The following CDH6 variants were observed in gnomAD, a reference collection of about 807,000 sequenced individuals.
The protein encoded by CDH6 is cadherin-6.
CDH6 carries 31 observed loss-of-function variants against 78.0 expected under a neutral mutation model. The observed-to-expected ratio is 0.40, with a 90% CI of 0.30 to 0.54. The LOEUF (loss-of-function observed/expected upper bound fraction) is 0.54. CDH6 is among the 20% of genes least tolerant of loss of function. The pLI, the probability that CDH6 is intolerant of heterozygous loss-of-function variation, is 0.56. For synonymous variants in CDH6, 376 were observed against 368.8 expected (o/e 1.02, Z -0.23); for missense variants, 724 against 975.9 (o/e 0.74, Z 3.44).
At chr5:31,196,451 C>G (rs889474368) in intron 1 of CDH6, among the ~76,000 whole-genome samples, 10 of 152,160 alleles carry the variant, frequency 6.6e-5, no homozygotes, top group African/African-American at 1.4e-4. Context: ...TGTGGTCCCC[C>G]CTTCTGGCCC....
At chr5:31,214,698 A>G (rs539515142) in intron 1 of CDH6, among the ~76,000 whole-genome samples, 6 of 152,318 alleles carry the variant, frequency 3.9e-5, no homozygotes, top group Non-Finnish European at 8.8e-5. Flanking sequence ...AATTAATGAA[A>G]AAATGTGAGC....
chr5:31,242,662 C>T (rs1741636280), intron 1 of CDH6, among the ~76,000 whole-genome samples: 1 of 149,994 alleles, frequency 6.7e-6, no homozygotes, highest in Admixed American at 6.6e-5. Context: ...AACTAAACTG[C>T]AGTCAAGCTG....
chr5:31,299,380 C>T, intron 4 of CDH6, 84 bp from the exon 5 acceptor site: 1 of 1,069,194 alleles, frequency 9.4e-7, no homozygotes, highest in Non-Finnish European at 1.4e-6. Flanking sequence ...TTGTGGGTGA[C>T]AGTTTATGTT....
chr5:31,305,934 A>G (rs1737980253), intron 7 of CDH6, among the ~76,000 whole-genome samples: 1 of 152,182 alleles, frequency 6.6e-6, no homozygotes, highest in Non-Finnish European at 1.5e-5. Context: ...GACTGAATAA[A>G]CCTTAAAAAA....
At chr5:31,272,908 A>G (rs1561052633) in intron 2 of CDH6, among the ~76,000 whole-genome samples, 1 of 152,146 alleles carries the variant, frequency 6.6e-6, no homozygotes, top group African/African-American at 2.4e-5. Context: ...GATAGGCTGT[A>G]TTTTTTTAAA....
intron 1 of CDH6, among the ~76,000 whole-genome samples, chr5:31,243,272 C>G (rs1275591582): frequency 6.6e-6 from 1 of 151,970 alleles, no homozygotes; most frequent in Non-Finnish European, 1.5e-5. Flanking sequence ...AAGGTGGGGA[C>G]ATGAGGAGAA....
chr5:31,196,481 C>T (rs34854801), intron 1 of CDH6, among the ~76,000 whole-genome samples: 2,457 of 152,214 alleles, frequency 0.016, 41 homozygotes, highest in South Asian at 0.059. Context: ...TTTGCAGTCA[C>T]GAATGCCAAC....
At position 31,302,284 on chromosome 5, in the gene CDH6, A is replaced by G. The variant is rs368076161; in HGVS notation, c.985A>G (p.Ile329Val). ...CGACCAGGAAACCCAGGAAGGGATT[A>G]TAACTGTCAAAAAGGTAATGCCGCT... ...ITDQETQEGIITVKKLLDFEK... is the reference protein window; with the variant it reads ...ITDQETQEGIVTVKKLLDFEK... Residue 329 changes from isoleucine to valine, a missense_variant, in exon 6 of 12, where the codon ATA becomes GTA. Ile to Val is a conservative substitution (Grantham distance 29). This residue lies in a region of CDH6 where 446 missense variants were observed against 684.5 expected (regional missense o/e 0.65). Transcript: ENST00000265071. 14 of 1,611,542 alleles carry G rather than the reference A, an allele frequency of 8.7e-6. No individual in the cohort carries two copies. In the East Asian group the frequency reaches 8.9e-5, roughly 10 times the overall value.
At chr5:31,268,488 A>G (rs1280019432) in intron 2 of CDH6, among the ~76,000 whole-genome samples, 1 of 152,224 alleles carries the variant, frequency 6.6e-6, no homozygotes, top group African/African-American at 2.4e-5. Context: ...TTGGAATTTT[A>G]TCATCAGCTC....
rs1402472930 is a variant in CDH6 at position 31,287,986 on chromosome 5, A to T, written c.229-5976A>T. On this transcript the variant is annotated intron_variant, in intron 2 of 11. Coordinates refer to ENST00000265071, the MANE Select transcript of CDH6 (RefSeq NM_004932.4). ...CTGGTCGGATATGAGGTTATTCTAG[A>T]ACCTGGGTTCCTTCCACTTTGTGGC... Among the ~76,000 whole-genome samples the T allele has an allele frequency of 2.6e-5, 4 of 152,192 alleles. No individual in the cohort carries two copies. In the East Asian group the frequency reaches 7.7e-4, roughly 29 times the overall value.
intron 9 of CDH6, among the ~76,000 whole-genome samples, chr5:31,316,666 GC>G: frequency 6.6e-6 from 1 of 152,072 alleles, no homozygotes; most frequent in South Asian, 2.1e-4. Context: ...CTTTATAATT[GC>G]CTATAATTCA....
At chr5:31,230,676 GATTTAGAAACCA>G in intron 1 of CDH6, among the ~76,000 whole-genome samples, 1 of 152,092 alleles carries the variant, frequency 6.6e-6, no homozygotes, top group African/African-American at 2.4e-5. Flanking sequence ...ACTAACCTAT[GATTTAGAAACCA>G]TCTGCAGAAT....
At position 31,292,852 on chromosome 5, in the gene CDH6, C is replaced by CATATAT. The variant is rs140377309; in HGVS notation, c.229-1093_229-1088dup. ...ATATATATATATATATATATGTGTG[C>CATATAT]ATATATATATATATATATATATGTA... On this transcript the variant is annotated intron_variant, in intron 2 of 11. Coordinates refer to ENST00000265071, the MANE Select transcript of CDH6 (RefSeq NM_004932.4). 6.3e-3 allele frequency among the ~76,000 whole-genome samples: 55 copies of CATATAT among 8,774 alleles called. No individual in the cohort carries two copies. The East Asian group carries it at 0.071, about 11-fold the overall frequency. The allele number at this position is 8,774 out of a possible 152,430, so 5.8% of individuals were successfully genotyped here. A position where few individuals can be genotyped will look rare whatever the true frequency, so the allele number is the denominator to read the frequency against.
intron 2 of CDH6, 129 bp downstream of exon 2, chr5:31,267,830 T>G: frequency 2.9e-6 from 2 of 679,236 alleles, no homozygotes; most frequent in Non-Finnish European, 4.9e-6. Flanking sequence ...GGTAAGACTT[T>G]TTTTTTTTCC....
In CDH6 at chr5:31,314,748, T is replaced by C. The variant is rs148392012; in HGVS notation, c.1390+1294T>C. Among the ~76,000 whole-genome samples the C allele has an allele frequency of 2.9e-3, 445 of 152,252 alleles. 3 individuals are homozygous for C. Among genetic ancestry groups the C allele is most frequent in the African/African-American group, 0.01 (426 of 41,530 alleles). On this transcript the variant is annotated intron_variant, in intron 8 of 11. Coordinates refer to ENST00000265071, the MANE Select transcript of CDH6 (RefSeq NM_004932.4). ...TTTATTTCCCACTGAAAATGACCAT[T>C]TTTCCTAAGACAATGAAATTTTATT...
chr5:31,198,366 G>T (rs1460507637), intron 1 of CDH6, among the ~76,000 whole-genome samples: 1 of 152,140 alleles, frequency 6.6e-6, no homozygotes, highest in Non-Finnish European at 1.5e-5. Context: ...ATGCCAGAGT[G>T]TTAATATTAA....
intron 1 of CDH6, among the ~76,000 whole-genome samples, chr5:31,199,855 G>A (rs1212383063): frequency 4.6e-5 from 7 of 151,424 alleles, no homozygotes; most frequent in East Asian, 1.9e-4. Flanking sequence ...CATGCATTTC[G>A]CATAGCAATA....
intron 1 of CDH6, among the ~76,000 whole-genome samples, chr5:31,215,971 A>C (rs1378032852): frequency 1.3e-5 from 2 of 152,186 alleles, no homozygotes; most frequent in African/African-American, 4.8e-5. Context: ...ATCATAAAGT[A>C]GGAAGAAGGC....
rs1741514098 is a variant in CDH6, at chr5:31,238,525, GT to G, written c.-128-28817del. Among the ~76,000 whole-genome samples the G allele has an allele frequency of 2.0e-5, 3 of 152,086 alleles. No homozygotes were observed. The South Asian group carries it at 6.2e-4, about 32-fold the overall frequency. The stretch of plus-strand genomic sequence containing the variant: ...TAAATTGTTTTTTTCTTCTTCTTTT[GT>G]TTTCACTATCGTAATCCTAACAATT... On this transcript the variant is annotated intron_variant, in intron 1 of 11. Coordinates refer to ENST00000265071, the MANE Select transcript of CDH6 (RefSeq NM_004932.4).
Sources: gnomAD v4.1 joint callset for allele counts (sites outside exome capture counted in the v4.1 genomes callset) on GRCh38, gnomAD v4.1.1 for gene constraint, gnomAD v4.1.1 regional missense constraint, MANE v1.5 for transcripts, NCBI Gene and HGNC (gene_info 2026-07-23, HGNC 2026-07-21) for gene names.